VPS35L: variants seen among roughly 807,000 people sequenced by gnomAD.
VPS35L encodes VPS35 endosomal protein sorting factor like.
In VPS35L, 83 loss-of-function variants were observed where a neutral mutation model predicts 133.0. The observed-to-expected ratio is 0.62, with a 90% CI of 0.52 to 0.75. The LOEUF is 0.75. Ranked by LOEUF, VPS35L falls within the 30% of genes least tolerant of loss-of-function variation. The probability of loss-of-function intolerance (pLI) is 0.00; values close to 1 mark genes in which losing one functional copy is unlikely to be tolerated. For synonymous variants in VPS35L, 423 were observed against 449.9 expected (o/e 0.94, Z 0.76); for missense variants, 1,083 against 1,206.8 (o/e 0.90, Z 1.52).
chr16:19,584,384 T>C lies in VPS35L; in HGVS notation c.639+2731T>C, dbSNP rs547344321. 2.6e-5 allele frequency among the ~76,000 whole-genome samples: 4 copies of C among 152,256 alleles called. No individual in the cohort carries two copies. The South Asian group carries it at 8.3e-4, about 32-fold the overall frequency. On this transcript the variant is annotated intron_variant, in intron 7 of 30. Transcript: ENST00000417362. ...GCTCACGCCTGTAATCCCAGCACTT[T>C]GGGAGGCTGAGGCAGGTGGATCACC...
chr16:19,581,679 C>G (rs770381561), intron 7 of VPS35L, 26 bp downstream of exon 7: 1 of 1,610,716 alleles, frequency 6.2e-7, no homozygotes, highest in African/African-American at 1.3e-5. Flanking sequence ...CCCCCACCCC[C>G]ACCCAGAATT....
At chr16:19,640,377 C>A (rs997230495) in intron 21 of VPS35L, among the ~76,000 whole-genome samples, 3 of 152,058 alleles carry the variant, frequency 2.0e-5, no homozygotes, top group Admixed American at 6.6e-5. Context: ...AAAAGTTTGT[C>A]ATTCGTGTTT....
Position 19,563,361 on chromosome 16 carries a change from A to C in VPS35L, c.18-1490A>C, listed in dbSNP as rs370451202. On this transcript the variant is annotated intron_variant, in intron 1 of 30. Coordinates refer to ENST00000417362, the MANE Select transcript of VPS35L (RefSeq NM_020314.7). ...GAAAAATTCTGTTTGGTTTCTATAA[A>C]TTTTACTATGAAGGCTCCAAGTGTG... is the stretch of plus-strand genomic sequence containing the variant. Among the ~76,000 whole-genome samples, 6 of 151,956 alleles carry C rather than the reference A, an allele frequency of 3.9e-5. No individual in the cohort carries two copies. In the South Asian group the frequency reaches 6.2e-4, roughly 16 times the overall value.
chr16:19,556,259 T>C (rs768782790), intron 1 of VPS35L, among the ~76,000 whole-genome samples: 1 of 152,082 alleles, frequency 6.6e-6, no homozygotes, highest in Non-Finnish European at 1.5e-5. Flanking sequence ...GACAGTATAA[T>C]GGGGCAGACG....
intron 26 of VPS35L, among the ~76,000 whole-genome samples, chr16:19,666,830 A>G (rs1415345481): frequency 1.3e-5 from 2 of 152,042 alleles, no homozygotes; most frequent in Non-Finnish European, 2.9e-5. Context: ...GCTTAAAGAT[A>G]GGGCCTAGGA....
intron 7 of VPS35L, among the ~76,000 whole-genome samples, chr16:19,582,585 C>T (rs537900038): frequency 1.3e-5 from 2 of 152,226 alleles, no homozygotes; most frequent in East Asian, 1.9e-4. Context: ...TAAATAGTCC[C>T]GAAGGCCAGG....
At chr16:19,583,728 A>C (rs1286783180) in intron 7 of VPS35L, among the ~76,000 whole-genome samples, 1 of 152,036 alleles carries the variant, frequency 6.6e-6, no homozygotes, top group Non-Finnish European at 1.5e-5. Flanking sequence ...TCAAAAAAAA[A>C]AAAAGGAAAA....
chr16:19,691,587 A>T, intron 29 of VPS35L, 116 bp downstream of exon 29: 1 of 761,864 alleles, frequency 1.3e-6, no homozygotes, highest in Non-Finnish European at 2.2e-6. Flanking sequence ...TAATGTGTTT[A>T]TGTGCAAACC....
intron 20 of VPS35L, among the ~76,000 whole-genome samples, chr16:19,638,194 C>T (rs1973679552): frequency 6.6e-6 from 1 of 152,326 alleles, no homozygotes; most frequent in African/African-American, 2.4e-5. Context: ...CTCTGTCTCT[C>T]CCTTCACTTC....
At chr16:19,652,159 T>TCC in intron 26 of VPS35L, 69 bp downstream of exon 26, 1 of 1,080,586 alleles carries the variant, frequency 9.3e-7, no homozygotes, top group Non-Finnish European at 1.4e-6. Flanking sequence ...GGTGTGTGCG[T>TCC]ATGTGTGTAG....
intron 1 of VPS35L, among the ~76,000 whole-genome samples, chr16:19,557,021 A>C (rs1970881587): frequency 6.6e-6 from 1 of 152,168 alleles, no homozygotes; most frequent in Non-Finnish European, 1.5e-5. Flanking sequence ...AATCCCAGCT[A>C]CTTGGGAGGG....
At chr16:19,578,436 G>A (rs898145383) in intron 5 of VPS35L, 2 of 397,568 alleles carry the variant, frequency 5.0e-6, no homozygotes, top group South Asian at 3.8e-5. Flanking sequence ...TGAAATAGAC[G>A]GCCGCAGAGG....
At chr16:19,610,711 G>T (rs1018635188) in intron 12 of VPS35L, among the ~76,000 whole-genome samples, 1 of 152,194 alleles carries the variant, frequency 6.6e-6, no homozygotes, top group Non-Finnish European at 1.5e-5. Context: ...TGGGAAGGAG[G>T]TTCCCAGGGC....
chr16:19,649,751 G>A (rs540270566), intron 24 of VPS35L, among the ~76,000 whole-genome samples: 2 of 152,284 alleles, frequency 1.3e-5, no homozygotes, highest in South Asian at 4.1e-4. Context: ...TATTCAAGGA[G>A]AATAACTTTC....
In VPS35L at chr16:19,614,916, T is replaced by C. The variant is rs142881936; in HGVS notation, c.1024-1198T>C. Among the ~76,000 whole-genome samples the C allele has an allele frequency of 4.0e-3, 615 of 152,354 alleles. 1 individual carries two copies. Among genetic ancestry groups the C allele is most frequent in the Non-Finnish European group, 6.7e-3 (456 of 68,040 alleles). ...AGCTAGAAATGTTACAGTCTGTTTT[T>C]TAACAATGAAGTCAGGACCCAGTGG... On this transcript the variant is annotated intron_variant, in intron 12 of 30. Coordinates refer to ENST00000417362, the MANE Select transcript of VPS35L (RefSeq NM_020314.7).
chr16:19,556,816 T>C (rs548750627), intron 1 of VPS35L, among the ~76,000 whole-genome samples: 1 of 152,042 alleles, frequency 6.6e-6, no homozygotes, highest in Non-Finnish European at 1.5e-5. Context: ...TGAGGTTTTT[T>C]TTTTTTTTTC....
intron 28 of VPS35L, among the ~76,000 whole-genome samples, chr16:19,690,961 CAA>C (rs112601797): frequency 2.1e-4 from 28 of 130,850 alleles, no homozygotes; most frequent in East Asian, 8.9e-4. Flanking sequence ...GACTCCGTCT[CAA>C]AAAAAAAAAA....
intron 19 of VPS35L, among the ~76,000 whole-genome samples, chr16:19,634,264 C>T (rs1973551869): frequency 6.6e-6 from 1 of 151,750 alleles, no homozygotes; most frequent in Non-Finnish European, 1.5e-5. Flanking sequence ...CCAGTCTGGG[C>T]CATCTCTACA....
At chr16:19,602,879 T>TG (rs1972428461) in intron 9 of VPS35L, among the ~76,000 whole-genome samples, 2 of 151,926 alleles carry the variant, frequency 1.3e-5, no homozygotes, top group Non-Finnish European at 2.9e-5. Flanking sequence ...GCTGGGATTA[T>TG]AGGCATGAGC....
Sources: gnomAD v4.1 joint callset for allele counts (sites outside exome capture counted in the v4.1 genomes callset) on GRCh38, gnomAD v4.1.1 for gene constraint, MANE v1.5 for transcripts, NCBI Gene and HGNC (gene_info 2026-07-23, HGNC 2026-07-21) for gene names.